The following CAMTA1 variants were observed in gnomAD, a reference collection of about 807,000 sequenced individuals.
The protein encoded by CAMTA1 is calmodulin binding transcription activator 1.
A neutral mutation model predicts 170.9 loss-of-function variants in CAMTA1; 27 were observed. The ratio of observed to expected loss-of-function variants is 0.16; its 90% CI spans 0.12 to 0.22. The LOEUF is 0.22. Ranked by LOEUF, CAMTA1 falls within the 10% of genes least tolerant of loss-of-function variation. The pLI is 1.00. For missense variants in CAMTA1, 1,619 were observed against 2,217.2 expected, an observed-to-expected ratio of 0.73 and a Z score of 5.42; for synonymous variants, 833 against 891.5, an observed-to-expected ratio of 0.93 and a Z score of 1.17.
chr1:7,323,557 C>G (rs901440347), intron 5 of CAMTA1, among the ~76,000 whole-genome samples: 2 of 124,594 alleles, frequency 1.6e-5, no homozygotes, highest in Non-Finnish European at 3.2e-5. Context: ...AAGTCTCACT[C>G]TACTACCCAG....
chr1:7,249,731 G>T lies in CAMTA1; in HGVS notation c.438+105G>T, dbSNP rs1666342691. On this transcript the variant is annotated intron_variant, in intron 5 of 22. Transcript: ENST00000303635. The surrounding 1 kb of genome is among the most constrained non-coding windows in gnomAD (Gnocchi z 4.4). Reference sequence around the variant, plus strand: ...TTGATGCGAGTCACCTCTGTCCAAAGAATTTTTGTTTGCCAAGACCCTGGT... The same window carrying T: ...TTGATGCGAGTCACCTCTGTCCAAATAATTTTTGTTTGCCAAGACCCTGGT... The T allele has an allele frequency of 1.5e-6, 2 of 1,369,270 alleles. No individual in the cohort carries two copies. Among genetic ancestry groups the T allele is most frequent in the Non-Finnish European group, 2.0e-6 (2 of 1,020,486 alleles). 84.8% of individuals were successfully genotyped at this position (1,369,270 alleles called of 1,614,324 possible). A position where few individuals can be genotyped will look rare whatever the true frequency, so the allele number is the denominator to read the frequency against.
intron 6 of CAMTA1, among the ~76,000 whole-genome samples, chr1:7,527,797 A>G (rs1225887774): frequency 6.6e-6 from 1 of 152,182 alleles, no homozygotes; most frequent in African/African-American, 2.4e-5. Context: ...GAGCCCCACA[A>G]GTGGCTGCGG....
rs372483566 is a variant in CAMTA1, at chr1:7,640,335, G to A, written c.511-65G>A. The stretch of plus-strand genomic sequence containing the variant: ...TCTCTGCCTGCACCTGCGGGGTTGG[G>A]GGCGGCCCTGACCCTGGTGGGCTCC... On this transcript the variant is annotated intron_variant, in intron 6 of 22. Transcript: ENST00000303635. 2.0e-5 allele frequency: 31 copies of A among 1,586,178 alleles called. No homozygotes were observed. The East Asian group carries it at 5.2e-4, about 26-fold the overall frequency.
intron 6 of CAMTA1, among the ~76,000 whole-genome samples, chr1:7,491,459 G>T (rs939381598): frequency 6.6e-6 from 1 of 152,224 alleles, no homozygotes; most frequent in African/African-American, 2.4e-5. Context: ...AGGGAAGATG[G>T]TTCCGGAATG....
intron 4 of CAMTA1, among the ~76,000 whole-genome samples, chr1:7,118,719 C>G (rs565807227): frequency 3.4e-4 from 52 of 152,254 alleles, no homozygotes; most frequent in African/African-American, 1.2e-3. Flanking sequence ...GAATAGCAGC[C>G]TGTTTGCTTT....
chr1:7,249,642 G>C lies in CAMTA1; in HGVS notation c.438+16G>C, dbSNP rs199998678. The C allele has an allele frequency of 1.2e-6, 2 of 1,612,052 alleles. No homozygotes were observed. Among genetic ancestry groups the C allele is most frequent in the Non-Finnish European group, 1.7e-6 (2 of 1,179,162 alleles). ...GGGAGTGGAGGTAAACAGCAGAAAAGGTTCCCTTGGTGCACAAATGTCATT... is the reference window on the plus strand; with the variant it reads ...GGGAGTGGAGGTAAACAGCAGAAAACGTTCCCTTGGTGCACAAATGTCATT... On this transcript the variant is annotated intron_variant, in intron 5 of 22. Transcript: ENST00000303635. The surrounding 1 kb of genome is among the most constrained non-coding windows in gnomAD (Gnocchi z 4.4).
At chr1:7,143,554 G>A (rs1364607416) in intron 4 of CAMTA1, among the ~76,000 whole-genome samples, 4 of 152,052 alleles carry the variant, frequency 2.6e-5, no homozygotes, top group Admixed American at 1.3e-4. Flanking sequence ...ATCTCCTTCC[G>A]CCAGGAGCTC....
chr1:6,992,748 C>CA (rs1447956169), intron 3 of CAMTA1, among the ~76,000 whole-genome samples: 1 of 152,150 alleles, frequency 6.6e-6, no homozygotes, highest in Non-Finnish European at 1.5e-5. Context: ...TGTGAGAACT[C>CA]ACCTGCTATC....
At chr1:6,799,623 G>T (rs919951821) in intron 1 of CAMTA1, among the ~76,000 whole-genome samples, 2 of 152,178 alleles carry the variant, frequency 1.3e-5, no homozygotes, top group South Asian at 2.1e-4. Context: ...ATTTTGAGGG[G>T]ATTCATGTGT....
intron 5 of CAMTA1, among the ~76,000 whole-genome samples, chr1:7,397,579 C>A (rs1435837518): frequency 6.6e-6 from 1 of 151,626 alleles, no homozygotes; most frequent in African/African-American, 2.4e-5. Context: ...TTTCTAGTTC[C>A]CTGAAGTGCA....
At chr1:7,096,595 G>A (rs968453182) in intron 4 of CAMTA1, among the ~76,000 whole-genome samples, 1 of 152,110 alleles carries the variant, frequency 6.6e-6, no homozygotes, top group Non-Finnish European at 1.5e-5. Context: ...ATACAACTTG[G>A]ACTCCAGGTG....
At chr1:6,879,978 A>T (rs1671048436) in intron 3 of CAMTA1, among the ~76,000 whole-genome samples, 1 of 151,922 alleles carries the variant, frequency 6.6e-6, no homozygotes, top group African/African-American at 2.4e-5. Context: ...GAACGGCATT[A>T]TGCCTCGCTT....
intron 7 of CAMTA1, among the ~76,000 whole-genome samples, chr1:7,652,317 C>T (rs2095853316): frequency 6.6e-6 from 1 of 152,150 alleles, no homozygotes; most frequent in Non-Finnish European, 1.5e-5. Context: ...CCCTTCCTCT[C>T]CTGCTTGCTC....
At chr1:7,059,535 G>A (rs547771731) in intron 3 of CAMTA1, among the ~76,000 whole-genome samples, 36 of 152,178 alleles carry the variant, frequency 2.4e-4, no homozygotes, top group African/African-American at 8.2e-4. Context: ...CAGGAGGATC[G>A]CTTGAGCACA....
chr1:7,573,759 T>A (rs2150349498), intron 6 of CAMTA1, among the ~76,000 whole-genome samples: 1 of 152,250 alleles, frequency 6.6e-6, no homozygotes, highest in South Asian at 2.1e-4. Flanking sequence ...ATCATCGTTT[T>A]TTGGGTTTTT....
intron 4 of CAMTA1, among the ~76,000 whole-genome samples, chr1:7,210,514 T>G (rs1206523215): frequency 6.6e-6 from 1 of 152,182 alleles, no homozygotes; most frequent in Non-Finnish European, 1.5e-5. Flanking sequence ...GTTTCTCCAG[T>G]GTAAAGTTAT....
In CAMTA1 at chr1:7,500,233, T is replaced by C. The variant is rs1377251771; in HGVS notation, c.510+32332T>C. Among the ~76,000 whole-genome samples, 158 of 82,774 alleles carry C rather than the reference T, an allele frequency of 1.9e-3. 2 individuals are homozygous for C. The highest frequency in any genetic ancestry group is 0.013 in the Middle Eastern group (1 of 76). The allele number at this position is 82,774 out of a possible 152,430, so 54.3% of individuals were successfully genotyped here. A position where few individuals can be genotyped will look rare whatever the true frequency, so the allele number is the denominator to read the frequency against. On this transcript the variant is annotated intron_variant, in intron 6 of 22. Transcript: ENST00000303635. Reference sequence around the variant, plus strand: ...TGTATGTATATGAGTGTATGTGTGTTCATGAGTGAGTGTGTAGAGAGGATT... The same window carrying C: ...TGTATGTATATGAGTGTATGTGTGTCCATGAGTGAGTGTGTAGAGAGGATT...
At chr1:7,631,642 AAG>A (rs1273805162) in intron 6 of CAMTA1, among the ~76,000 whole-genome samples, 1 of 152,154 alleles carries the variant, frequency 6.6e-6, no homozygotes, top group African/African-American at 2.4e-5. Flanking sequence ...AGAGGCAGGG[AAG>A]AGAGACCCAA....
chr1:7,554,495 C>T (rs1485550800), intron 6 of CAMTA1, among the ~76,000 whole-genome samples: 3 of 152,170 alleles, frequency 2.0e-5, no homozygotes, highest in Non-Finnish European at 4.4e-5. Flanking sequence ...TTTCCAAATG[C>T]AGTCTCAGAA....
Sources: gnomAD v4.1 joint callset for allele counts (sites outside exome capture counted in the v4.1 genomes callset) on GRCh38, gnomAD v4.1.1 for gene constraint, Gnocchi (gnomAD v3.1) non-coding constraint, MANE v1.5 for transcripts, NCBI Gene and HGNC (gene_info 2026-07-23, HGNC 2026-07-21) for gene names.